GPC6: variants seen among roughly 807,000 people sequenced by gnomAD.
The protein encoded by GPC6 is glypican 6, also known as glypican-6.
In GPC6, 14 loss-of-function variants were observed where a neutral mutation model predicts 55.2. The ratio of observed to expected loss-of-function variants is 0.25; its 90% CI spans 0.17 to 0.40. The LOEUF (loss-of-function observed/expected upper bound fraction) is 0.40, where lower values mean the gene tolerates loss of function less well. Ranked by LOEUF, GPC6 falls within the 10% of genes least tolerant of loss-of-function variation. The pLI is 1.00. For synonymous variants in GPC6, 278 were observed against 259.6 expected (o/e 1.07, Z -0.68); for missense variants, 641 against 708.5 (o/e 0.90, Z 1.08).
chr13:94,026,427 C>T (rs949334306), intron 3 of GPC6, among the ~76,000 whole-genome samples: 2 of 151,664 alleles, frequency 1.3e-5, no homozygotes, highest in African/African-American at 4.8e-5. Context: ...GAGCTCAAGT[C>T]CACCACTCTC....
chr13:93,780,185 T>C (rs1276192458), intron 2 of GPC6, among the ~76,000 whole-genome samples: 4 of 152,182 alleles, frequency 2.6e-5, no homozygotes, highest in East Asian at 1.9e-4. Flanking sequence ...AGCATTTTTT[T>C]CCGCAAACTG....
At chr13:93,452,013 C>G (rs1447052191) in intron 1 of GPC6, among the ~76,000 whole-genome samples, 1 of 152,088 alleles carries the variant, frequency 6.6e-6, no homozygotes, top group Non-Finnish European at 1.5e-5. Context: ...AATGCTTTCT[C>G]TGGGTCGCTT....
chr13:93,788,427 AG>A (rs1189763659), intron 2 of GPC6, among the ~76,000 whole-genome samples: 1 of 151,898 alleles, frequency 6.6e-6, no homozygotes, highest in Non-Finnish European at 1.5e-5. Flanking sequence ...TGAATTCTGG[AG>A]GGGACACATT....
intron 4 of GPC6, among the ~76,000 whole-genome samples, chr13:94,205,334 G>C (rs1284715229): frequency 6.6e-6 from 1 of 152,126 alleles, no homozygotes; most frequent in Non-Finnish European, 1.5e-5. Flanking sequence ...TCTTATTATA[G>C]CAAATCTCAA....
chr13:94,332,868 A>G (rs937810836), intron 6 of GPC6, among the ~76,000 whole-genome samples: 2 of 152,214 alleles, frequency 1.3e-5, no homozygotes, highest in African/African-American at 2.4e-5. Flanking sequence ...TGTTTACAAG[A>G]AAGACACTTT....
chr13:94,214,197 T>C (rs1419845842), intron 4 of GPC6, among the ~76,000 whole-genome samples: 1 of 152,254 alleles, frequency 6.6e-6, no homozygotes, highest in African/African-American at 2.4e-5. Flanking sequence ...CCAAATTTAA[T>C]AGAACTTCAG....
intron 1 of GPC6, among the ~76,000 whole-genome samples, chr13:93,331,492 C>T (rs1009734436): frequency 6.6e-6 from 1 of 152,144 alleles, no homozygotes; most frequent in African/African-American, 2.4e-5. Flanking sequence ...TGAGAAATAT[C>T]AATTGCTTTT....
intron 1 of GPC6, among the ~76,000 whole-genome samples, chr13:93,236,037 A>C (rs1268772353): frequency 6.6e-6 from 1 of 152,100 alleles, no homozygotes; most frequent in East Asian, 1.9e-4. Flanking sequence ...TTCTTCCCAC[A>C]TGTCTCTTCC....
chr13:94,208,881 C>T (rs1471730289), intron 4 of GPC6, among the ~76,000 whole-genome samples: 10 of 151,296 alleles, frequency 6.6e-5, no homozygotes, highest in South Asian at 2.1e-4. Context: ...GAGCTATGAT[C>T]GTGCTACTGC....
chr13:93,993,205 G>A (rs1196095703), intron 3 of GPC6, among the ~76,000 whole-genome samples: 2 of 151,738 alleles, frequency 1.3e-5, no homozygotes, highest in Non-Finnish European at 2.9e-5. Context: ...CTTTTGCCAT[G>A]TAAATAGATG....
chr13:93,320,254 A>G (rs1419736161), intron 1 of GPC6, among the ~76,000 whole-genome samples: 4 of 152,170 alleles, frequency 2.6e-5, no homozygotes, highest in Non-Finnish European at 5.9e-5. Flanking sequence ...TTGTTCCAGA[A>G]TAACTGACTC....
intron 3 of GPC6, among the ~76,000 whole-genome samples, chr13:93,988,182 T>C (rs1264045675): frequency 6.6e-6 from 1 of 152,154 alleles, no homozygotes; most frequent in Non-Finnish European, 1.5e-5. Flanking sequence ...TTGGGAATTG[T>C]TATTTCTAAA....
chr13:94,306,872 A>G (rs1224784791), intron 6 of GPC6, among the ~76,000 whole-genome samples: 1 of 152,234 alleles, frequency 6.6e-6, no homozygotes, highest in African/African-American at 2.4e-5. Context: ...TTATATACCT[A>G]CAATTGTTAG....
rs535300471 is a variant in GPC6 at position 94,213,814 on chromosome 13, A to G, written c.878-72535A>G. Among the ~76,000 whole-genome samples the G allele has an allele frequency of 3.3e-5, 5 of 152,336 alleles. No individual in the cohort carries two copies. In the East Asian group the frequency reaches 9.6e-4, roughly 29 times the overall value. On this transcript the variant is annotated intron_variant, in intron 4 of 8. Transcript: ENST00000377047. ...CATCCCAGCCTCCAGAAGTAAAGAA[A>G]TAGACTTTACTTCTTGATGGAGATG...
intron 3 of GPC6, among the ~76,000 whole-genome samples, chr13:93,942,331 C>T (rs533852129): frequency 5.3e-5 from 8 of 152,186 alleles, no homozygotes; most frequent in South Asian, 2.1e-4. Context: ...AGCAGTCAAG[C>T]GTCATCTAGC....
intron 1 of GPC6, among the ~76,000 whole-genome samples, chr13:93,446,962 T>TGG (rs1555301082): frequency 1.3e-5 from 2 of 150,456 alleles, no homozygotes; most frequent in African/African-American, 4.9e-5. Context: ...ACTAATTTTT[T>TGG]TGGGGGGGTG....
intron 3 of GPC6, among the ~76,000 whole-genome samples, chr13:94,006,540 G>A (rs1022445257): frequency 5.3e-5 from 8 of 152,148 alleles, no homozygotes; most frequent in African/African-American, 1.2e-4. Flanking sequence ...TTGTTCTTAC[G>A]CTAGTTGAAG....
chr13:93,349,470 G>A (rs556867404), intron 1 of GPC6, among the ~76,000 whole-genome samples: 2 of 152,210 alleles, frequency 1.3e-5, no homozygotes, highest in East Asian at 3.9e-4. Flanking sequence ...ATAATGCCTA[G>A]AAAGTGCATT....
intron 2 of GPC6, among the ~76,000 whole-genome samples, chr13:93,775,371 A>G (rs1364805397): frequency 6.6e-6 from 1 of 152,190 alleles, no homozygotes; most frequent in Non-Finnish European, 1.5e-5. Context: ...AAGAAGTTCA[A>G]TTACAGGCTT....
Sources: allele counts gnomAD v4.1 joint callset (sites outside exome capture counted in the v4.1 genomes callset), GRCh38; gene constraint gnomAD v4.1.1; transcripts MANE v1.5; gene names NCBI Gene and HGNC (gene_info 2026-07-23, HGNC 2026-07-21).